Variants in EPHA6 observed in about 807,000 individuals in gnomAD.
EPHA6 encodes the protein ephrin type-A receptor 6.
In EPHA6, 50 loss-of-function variants were observed where a neutral mutation model predicts 112.0. That is an observed-to-expected ratio of 0.45 (90% CI 0.36 to 0.56). The LOEUF (loss-of-function observed/expected upper bound fraction) is 0.56, where lower values mean the gene tolerates loss of function less well. Ranked by LOEUF, EPHA6 falls within the 20% of genes least tolerant of loss-of-function variation. The pLI is 0.00. For missense variants in EPHA6, 1,280 were observed against 1,417.4 expected, an observed-to-expected ratio of 0.90 and a Z score of 1.56; for synonymous variants, 529 against 490.7, an observed-to-expected ratio of 1.08 and a Z score of -1.03.
intron 3 of EPHA6, among the ~76,000 whole-genome samples, chr3:97,188,101 C>T (rs1244162220): frequency 6.6e-6 from 1 of 152,040 alleles, no homozygotes; most frequent in South Asian, 2.1e-4. Context: ...AGTTTATGAT[C>T]CAGAAGTTTC....
chr3:97,422,906 A>T (rs1322549561), intron 6 of EPHA6, among the ~76,000 whole-genome samples: 1 of 152,216 alleles, frequency 6.6e-6, no homozygotes, highest in African/African-American at 2.4e-5. Context: ...CAAAAACCAC[A>T]TGATCATCTC....
chr3:97,725,159 T>G (rs966074043), intron 15 of EPHA6, among the ~76,000 whole-genome samples: 1 of 152,128 alleles, frequency 6.6e-6, no homozygotes, highest in South Asian at 2.1e-4. Flanking sequence ...GACCTCATTC[T>G]CTCCTACTGC....
chr3:96,938,400 C>T (rs1221232823), intron 2 of EPHA6, among the ~76,000 whole-genome samples: 2 of 150,514 alleles, frequency 1.3e-5, no homozygotes, highest in Non-Finnish European at 3.0e-5. Flanking sequence ...CATGATTTGG[C>T]TCTCTGTTTG....
chr3:97,591,519 TAC>T, intron 11 of EPHA6, among the ~76,000 whole-genome samples: 1 of 152,086 alleles, frequency 6.6e-6, no homozygotes, highest in African/African-American at 2.4e-5. Flanking sequence ...CTGAACGAAA[TAC>T]AGTCCTTACA....
intron 6 of EPHA6, among the ~76,000 whole-genome samples, chr3:97,443,390 G>A (rs143079657): frequency 1.0e-4 from 15 of 144,826 alleles, no homozygotes; most frequent in African/African-American, 3.3e-4. Flanking sequence ...GATTTGGATA[G>A]TAGAGTACTA....
chr3:97,699,922 A>T (rs756818295), intron 14 of EPHA6, among the ~76,000 whole-genome samples: 1 of 152,250 alleles, frequency 6.6e-6, no homozygotes, highest in Non-Finnish European at 1.5e-5. Context: ...TTATTTGGCA[A>T]TTGCCTCAGC....
intron 1 of EPHA6, among the ~76,000 whole-genome samples, chr3:96,856,786 T>C (rs542426362): frequency 3.5e-4 from 54 of 152,218 alleles, no homozygotes; most frequent in African/African-American, 1.2e-3. Flanking sequence ...CTTTAAGAAA[T>C]CTTTATCTGT....
chr3:97,014,392 C>A (rs957604921), intron 3 of EPHA6, among the ~76,000 whole-genome samples: 111 of 148,838 alleles, frequency 7.5e-4, no homozygotes, highest in African/African-American at 2.5e-3. Context: ...CTTTTTCTTT[C>A]CTCTCTCCCT....
chr3:97,741,534 A>G (rs2035504994), intron 16 of EPHA6, among the ~76,000 whole-genome samples: 1 of 152,040 alleles, frequency 6.6e-6, no homozygotes, highest in African/African-American at 2.4e-5. Flanking sequence ...AGGGGCTTTT[A>G]TTGGTTATGT....
At chr3:97,240,095 C>A (rs1414916606) in intron 4 of EPHA6, among the ~76,000 whole-genome samples, 2 of 151,240 alleles carry the variant, frequency 1.3e-5, no homozygotes, top group Non-Finnish European at 3.0e-5. Flanking sequence ...CATTCATTTC[C>A]AAATAGAAAA....
intron 3 of EPHA6, among the ~76,000 whole-genome samples, chr3:97,000,856 T>A (rs2043629391): frequency 6.6e-6 from 1 of 151,204 alleles, no homozygotes; most frequent in Admixed American, 6.6e-5. Flanking sequence ...GGGGCCTGAT[T>A]TTTAGATTTT....
intron 3 of EPHA6, among the ~76,000 whole-genome samples, chr3:97,065,440 A>G (rs926182212): frequency 3.9e-5 from 6 of 152,152 alleles, no homozygotes; most frequent in Non-Finnish European, 7.4e-5. Flanking sequence ...AAATAAAACT[A>G]TCTCTTAATA....
At chr3:97,365,071 TACA>T (rs1229581638) in intron 5 of EPHA6, among the ~76,000 whole-genome samples, 11 of 152,154 alleles carry the variant, frequency 7.2e-5, no homozygotes, top group African/African-American at 2.2e-4. Context: ...CTACTTGATA[TACA>T]GAATGCAATC....
intron 10 of EPHA6, among the ~76,000 whole-genome samples, chr3:97,496,448 ATTAAG>A (rs1413099177): frequency 2.6e-5 from 4 of 152,196 alleles, no homozygotes; most frequent in Admixed American, 1.3e-4. Flanking sequence ...ATTTAAAGAG[ATTAAG>A]TTATTTGGTC....
At chr3:97,115,021 T>C (rs924661989) in intron 3 of EPHA6, among the ~76,000 whole-genome samples, 2 of 151,820 alleles carry the variant, frequency 1.3e-5, no homozygotes, top group African/African-American at 4.8e-5. Context: ...GCATCATGAG[T>C]GTACATGAAA....
At chr3:97,560,504 A>G (rs1046684162) in intron 11 of EPHA6, 1 of 152,070 alleles carries the variant, frequency 6.6e-6, no homozygotes, top group African/African-American at 2.4e-5. Flanking sequence ...ATAGCCACAT[A>G]TGGCTGGTGG....
intron 3 of EPHA6, among the ~76,000 whole-genome samples, chr3:97,110,006 GA>G (rs1693119080): frequency 6.6e-6 from 1 of 152,032 alleles, no homozygotes; most frequent in African/African-American, 2.4e-5. Flanking sequence ...AAATGAGAAT[GA>G]AAAGAGGTAT....
chr3:97,725,452 T>A (rs1474655534), intron 15 of EPHA6, among the ~76,000 whole-genome samples: 1 of 152,134 alleles, frequency 6.6e-6, no homozygotes, highest in Non-Finnish European at 1.5e-5. Context: ...GAGGGAGGAA[T>A]TCCCCAAAGC....
At position 97,662,060 on chromosome 3, in the gene EPHA6, T is replaced by C. The variant is rs558835504; in HGVS notation, c.2784+23978T>C. Among the ~76,000 whole-genome samples, 2 of 152,256 alleles carry C rather than the reference T, an allele frequency of 1.3e-5. 1 individual carries two copies. Among genetic ancestry groups the C allele is most frequent in the South Asian group, 4.1e-4 (2 of 4,826 alleles). Reference sequence around the variant, plus strand: ...CTATCTGATAGGGCTTCCTTATAGGTCCTAGTGACCCTTTGTAGCTCAAAT... The same window carrying C: ...CTATCTGATAGGGCTTCCTTATAGGCCCTAGTGACCCTTTGTAGCTCAAAT... On this transcript the variant is annotated intron_variant, in intron 14 of 17. Transcript: ENST00000389672.
Sources: gnomAD v4.1 joint callset for allele counts (sites outside exome capture counted in the v4.1 genomes callset) on GRCh38, gnomAD v4.1.1 for gene constraint, MANE v1.5 for transcripts, NCBI Gene and HGNC (gene_info 2026-07-23, HGNC 2026-07-21) for gene names.